RHCE: variants seen among roughly 807,000 people sequenced by gnomAD.
The protein encoded by RHCE is Rh blood group CcEe antigens.
In RHCE, 22 loss-of-function variants were observed where a neutral mutation model predicts 43.8. The ratio of observed to expected loss-of-function variants is 0.50; its 90% CI spans 0.36 to 0.72. The LOEUF (loss-of-function observed/expected upper bound fraction) is 0.72. RHCE is among the 30% of genes least tolerant of loss of function. The pLI is 0.00. For synonymous variants in RHCE, 156 were observed against 210.7 expected (o/e 0.74, Z 2.25); for missense variants, 385 against 525.4 (o/e 0.73, Z 2.61).
At chr1:25,376,785 G>A (rs143490086) in intron 7 of RHCE, among the ~76,000 whole-genome samples, 1,874 of 152,040 alleles carry the variant, frequency 0.012, 34 homozygotes, top group African/African-American at 0.042. Flanking sequence ...GTGGTGGCAG[G>A]TGCCTGCAGT....
At chr1:25,429,655 T>C (rs1455022098) in intron 1 of RHCE, among the ~76,000 whole-genome samples, 1 of 152,218 alleles carries the variant, frequency 6.6e-6, no homozygotes, top group East Asian at 1.9e-4. Context: ...GTATGACCAC[T>C]ATTCTATTTA....
At position 25,408,064 on chromosome 1, in the gene RHCE, G is replaced by A. The variant is rs1646968421; in HGVS notation, c.335+619C>T. ...GCACTTTGGGAGGCCGAGGCAGGCC[G>A]GTCACCTGAGGTCAGGAGTTTGAGA... On this transcript the variant is annotated intron_variant, in intron 2 of 9. Transcript: ENST00000294413. Among the ~76,000 whole-genome samples the A allele has an allele frequency of 3.3e-5, 4 of 122,894 alleles. 1 individual carries two copies. Among genetic ancestry groups the A allele is most frequent in the East Asian group, 8.2e-4 (2 of 2,446 alleles). 80.6% of individuals were successfully genotyped at this position (122,894 alleles called of 152,430 possible).
chr1:25,422,727 C>G (rs1238972661), upstream of RHCE, among the ~76,000 whole-genome samples: 9 of 152,268 alleles, frequency 5.9e-5, no homozygotes, highest in East Asian at 7.7e-4. Flanking sequence ...GGGTCCCCAA[C>G]CTATTTGGCA....
At chr1:25,371,338 C>G (rs1162914865) in intron 8 of RHCE, among the ~76,000 whole-genome samples, 1 of 151,346 alleles carries the variant, frequency 6.6e-6, no homozygotes, top group Non-Finnish European at 1.5e-5. Flanking sequence ...AAGTGCCTGT[C>G]CTTCCTTTTC....
upstream of RHCE, chr1:25,421,017 T>C: frequency 3.5e-6 from 2 of 567,354 alleles, no homozygotes; most frequent in East Asian, 3.1e-5. Flanking sequence ...ATTCAACAAG[T>C]TGCTGTGTTC....
chr1:25,390,859 G>C lies in RHCE; in HGVS notation c.691C>G (p.Pro231Ala). 6.2e-7 allele frequency: 1 copy of C among 1,614,232 alleles called. No individual in the cohort carries two copies. Among genetic ancestry groups the C allele is most frequent in the Non-Finnish European group, 8.5e-7 (1 of 1,180,044 alleles). Residue 231 changes from proline (P) to alanine (A), a missense_variant, in exon 5 of 10, where the codon CCA becomes GCA. Around this residue, in one of 6 missense-constraint regions of RHCE, gnomAD observed 110 missense variants for 103.4 expected, o/e 1.06. Coordinates refer to ENST00000294413, the MANE Select transcript of RHCE (RefSeq NM_020485.8). The stretch of plus-strand genomic sequence containing the variant: ...AACATGGCATTCTTCCTTTGGATTG[G>C]ACTTCTCAGCAGAGCAGAGTTGACA... ...PSVNSALLRS[P>A]IQRKNAMFNT...
At chr1:25,392,573 T>TG (rs1315500718) in intron 3 of RHCE, among the ~76,000 whole-genome samples, 1 of 138,734 alleles carries the variant, frequency 7.2e-6, no homozygotes, top group Non-Finnish European at 1.6e-5. Flanking sequence ...TTTTTTTTTT[T>TG]TTTTTTTTTT....
intron 3 of RHCE, among the ~76,000 whole-genome samples, chr1:25,397,498 A>C (rs2124455622): frequency 7.1e-6 from 1 of 141,394 alleles, no homozygotes; most frequent in South Asian, 2.3e-4. Flanking sequence ...ACTCCATCTG[A>C]AAAAAAAAAA....
intron 3 of RHCE, among the ~76,000 whole-genome samples, chr1:25,396,182 C>T (rs1463648901): frequency 6.6e-6 from 1 of 151,812 alleles, no homozygotes; most frequent in African/African-American, 2.4e-5. Context: ...AGAACTGGCT[C>T]GAAACTTCAA....
chr1:25,410,379 A>T (rs1204833889), intron 1 of RHCE, among the ~76,000 whole-genome samples: 1 of 151,862 alleles, frequency 6.6e-6, no homozygotes, highest in Admixed American at 6.6e-5. Flanking sequence ...TAACTTTGGG[A>T]GATGTTTTAC....
chr1:25,366,524 T>TA (rs1322451443), intron 9 of RHCE, among the ~76,000 whole-genome samples: 13 of 20,592 alleles, frequency 6.3e-4, no homozygotes, highest in Non-Finnish European at 1.6e-3. Context: ...TAGCTGGGAT[T>TA]ACAGGCATCC....
At position 25,393,599 on chromosome 1, in the gene RHCE, C is replaced by T. The variant is rs1414690528; in HGVS notation, c.487-1458G>A. On this transcript the variant is annotated intron_variant, in intron 3 of 9. Coordinates refer to ENST00000294413, the MANE Select transcript of RHCE (RefSeq NM_020485.8). ...TGGCGCCACTGCACTCCAGCTTCGG[C>T]GACAGAGTGAGACTGCGTCAAATAA... is the stretch of plus-strand genomic sequence containing the variant. Among the ~76,000 whole-genome samples the T allele has an allele frequency of 4.0e-5, 6 of 151,234 alleles. No individual in the cohort carries two copies. The East Asian group carries it at 5.8e-4, about 15-fold the overall frequency.
intron 1 of RHCE, among the ~76,000 whole-genome samples, chr1:25,414,537 C>A (rs1463468791): frequency 6.6e-6 from 1 of 152,040 alleles, no homozygotes; most frequent in African/African-American, 2.4e-5. Context: ...AGGGGCAGAC[C>A]AAAGCTGCAG....
At chr1:25,379,657 A>G (rs1645932989) in intron 7 of RHCE, among the ~76,000 whole-genome samples, 1 of 151,152 alleles carries the variant, frequency 6.6e-6, no homozygotes, top group East Asian at 1.9e-4. Flanking sequence ...GACGTGTGCC[A>G]CCATCTCCAG....
At chr1:25,403,999 C>T (rs1646835755) in intron 2 of RHCE, among the ~76,000 whole-genome samples, 1 of 149,492 alleles carries the variant, frequency 6.7e-6, no homozygotes, top group Non-Finnish European at 1.5e-5. Flanking sequence ...GAAACTCTGT[C>T]TCAACTAAAA....
chr1:25,404,039 A>G (rs1315425755), intron 2 of RHCE, among the ~76,000 whole-genome samples: 1 of 150,532 alleles, frequency 6.6e-6, no homozygotes, highest in African/African-American at 2.4e-5. Flanking sequence ...ATGGTGGTGC[A>G]TGCTTGTAAT....
intron 3 of RHCE, among the ~76,000 whole-genome samples, chr1:25,393,485 G>T (rs1227323209): frequency 1.3e-5 from 2 of 152,186 alleles, no homozygotes; most frequent in African/African-American, 4.8e-5. Context: ...GCCAGGCGTG[G>T]TGATGCTTGC....
rs763527464 is a variant in RHCE, at chr1:25,362,419, A to G, written c.*108T>C. ...TGTCTCTGACCTTGTTTCATTATAC[A>G]TAAGGAGACTTTGCTGTCATGAGCG... On this transcript the variant is annotated 3_prime_UTR_variant, in exon 10 of 10. Transcript: ENST00000294413. 5 of 1,613,802 alleles carry G rather than the reference A, an allele frequency of 3.1e-6. No homozygotes were observed. The highest frequency in any genetic ancestry group is 4.2e-6 in the Non-Finnish European group (5 of 1,179,820).
chr1:25,411,696 G>A (rs1647084354), intron 1 of RHCE, among the ~76,000 whole-genome samples: 1 of 152,144 alleles, frequency 6.6e-6, no homozygotes. Context: ...AGGAATGGGG[G>A]TGTGTGACCA....
Sources: allele counts gnomAD v4.1 joint callset (sites outside exome capture counted in the v4.1 genomes callset), GRCh38; gene constraint gnomAD v4.1.1; regional missense constraint gnomAD v4.1.1; transcripts MANE v1.5; gene names NCBI Gene and HGNC (gene_info 2026-07-23, HGNC 2026-07-21).